BTBD8: variants seen among roughly 807,000 people sequenced by gnomAD.
BTBD8 encodes the protein BTB/POZ domain-containing protein 8.
BTBD8 carries 110 observed loss-of-function variants against 162.9 expected under a neutral mutation model. The ratio of observed to expected loss-of-function variants is 0.68; its 90% CI spans 0.58 to 0.79. The LOEUF (loss-of-function observed/expected upper bound fraction) is 0.79, where lower values mean the gene tolerates loss of function less well. BTBD8 is among the 30% of genes least tolerant of loss of function. BTBD8 has a pLI of 0.00. For synonymous variants in BTBD8, 667 were observed against 716.1 expected, an observed-to-expected ratio of 0.93 and a Z score of 1.10; for missense variants, 1,905 against 2,085.4, an observed-to-expected ratio of 0.91 and a Z score of 1.68.
At chr1:92,158,718 T>A (rs760447792) in intron 9 of BTBD8, among the ~76,000 whole-genome samples, 2 of 152,140 alleles carry the variant, frequency 1.3e-5, no homozygotes, top group African/African-American at 2.4e-5. Context: ...AGGGGGCTTA[T>A]GGGAAATCTC....
intron 2 of BTBD8, among the ~76,000 whole-genome samples, chr1:92,096,223 C>G (rs1648447637): frequency 1.3e-5 from 2 of 152,164 alleles, no homozygotes; most frequent in Non-Finnish European, 2.9e-5. Flanking sequence ...GCTGCCTCAG[C>G]TTCCCAAAGT....
intron 13 of BTBD8, among the ~76,000 whole-genome samples, chr1:92,176,436 A>G (rs952604332): frequency 6.6e-6 from 1 of 152,186 alleles, no homozygotes; most frequent in African/African-American, 2.4e-5. Flanking sequence ...AAGTGGGATG[A>G]TGTATACAAA....
intron 2 of BTBD8, among the ~76,000 whole-genome samples, chr1:92,098,477 T>C (rs1358218346): frequency 2.0e-5 from 3 of 152,184 alleles, no homozygotes; most frequent in Non-Finnish European, 4.4e-5. Flanking sequence ...ATAGTAACCT[T>C]TTCAGGAACT....
intron 1 of BTBD8, among the ~76,000 whole-genome samples, chr1:92,082,375 AGTAATAAACGTTAATAAAACATTGCTTT>A (rs1267300391): frequency 4.6e-5 from 7 of 152,232 alleles, no homozygotes; most frequent in African/African-American, 1.7e-4. Flanking sequence ...CTAGGTCTTA[AGTAATAAACGTTAATAAAACATTGCTTT>A]GTTGTTTGTC....
chr1:92,175,522 C>T (rs1482532059), intron 13 of BTBD8, among the ~76,000 whole-genome samples: 1 of 143,348 alleles, frequency 7.0e-6, no homozygotes, highest in Non-Finnish European at 1.5e-5. Flanking sequence ...TGGCCGGGCA[C>T]AGTGGCTCAT....
intron 9 of BTBD8, among the ~76,000 whole-genome samples, chr1:92,154,555 A>G (rs1203942267): frequency 6.6e-6 from 1 of 152,222 alleles, no homozygotes; most frequent in Non-Finnish European, 1.5e-5. Context: ...ACATCTTTTC[A>G]TATACCTGTT....
chr1:92,181,265 C>T lies in BTBD8; in HGVS notation c.3582C>T (p.Asp1194=), dbSNP rs1197088664. The T allele has an allele frequency of 6.4e-7, 1 of 1,551,560 alleles. No individual in the cohort carries two copies. Among genetic ancestry groups the T allele is most frequent in the Non-Finnish European group, 8.7e-7 (1 of 1,146,996 alleles). Residue 1194 remains aspartate (D), a synonymous_variant, in exon 17 of 18, where the codon GAC becomes GAT. Coordinates refer to ENST00000636805, the MANE Select transcript of BTBD8 (RefSeq NM_001376131.1). ...AMDEDKHATA[D]SDVSSKCFSG... is the part of the protein sequence containing the mutation. ...ATGAAGACAAACATGCTACAGCAGA[C>T]TCAGATGTATCTTCCAAGTGTTTTT...
At chr1:92,144,659 A>C (rs185802862) in intron 7 of BTBD8, among the ~76,000 whole-genome samples, 2 of 151,952 alleles carry the variant, frequency 1.3e-5, no homozygotes, top group African/African-American at 2.4e-5. Flanking sequence ...AATTTAAAAA[A>C]AATTAGCCAG....
chr1:92,144,649 A>G (rs1649865235), intron 7 of BTBD8, among the ~76,000 whole-genome samples: 2 of 151,978 alleles, frequency 1.3e-5, no homozygotes, highest in South Asian at 4.2e-4. Context: ...CTCTACAAAA[A>G]ATTTAAAAAA....
intron 4 of BTBD8, among the ~76,000 whole-genome samples, chr1:92,110,388 C>G (rs1322534390): frequency 6.6e-6 from 1 of 152,200 alleles, no homozygotes; most frequent in Non-Finnish European, 1.5e-5. Flanking sequence ...ATAACAGTCT[C>G]CATCTCATAA....
chr1:92,094,655 A>G (rs1017003435), intron 2 of BTBD8, among the ~76,000 whole-genome samples: 1 of 152,228 alleles, frequency 6.6e-6, no homozygotes, highest in African/African-American at 2.4e-5. Context: ...ATATGCCTCA[A>G]ATGATTGTCA....
intron 13 of BTBD8, among the ~76,000 whole-genome samples, chr1:92,175,262 C>T (rs1442015058): frequency 1.3e-5 from 2 of 151,742 alleles, no homozygotes; most frequent in African/African-American, 2.4e-5. Flanking sequence ...GGGTGGATCA[C>T]GAGGTCAAGA....
At chr1:92,143,343 G>A (rs557249641) in intron 7 of BTBD8, among the ~76,000 whole-genome samples, 241 of 151,134 alleles carry the variant, frequency 1.6e-3, no homozygotes, top group African/African-American at 5.6e-3. Flanking sequence ...AGTATATGTG[G>A]GTTTTATGCA....
chr1:92,105,058 A>C (rs1479923858), intron 3 of BTBD8, among the ~76,000 whole-genome samples: 1 of 151,476 alleles, frequency 6.6e-6, no homozygotes, highest in Admixed American at 6.6e-5. Flanking sequence ...TCAGCCTCCC[A>C]AGTAGCTGGA....
chr1:92,096,922 C>T (rs950752634), intron 2 of BTBD8, among the ~76,000 whole-genome samples: 10 of 152,094 alleles, frequency 6.6e-5, no homozygotes, highest in Admixed American at 3.9e-4. Context: ...AACCTTCAGC[C>T]GTTCCTCTTC....
At chr1:92,095,123 A>C (rs1408743457) in intron 2 of BTBD8, among the ~76,000 whole-genome samples, 2 of 152,220 alleles carry the variant, frequency 1.3e-5, no homozygotes, top group Non-Finnish European at 2.9e-5. Flanking sequence ...TCCTAAGTAC[A>C]TGGACCCACC....
At position 92,169,159 on chromosome 1, in the gene BTBD8, A is replaced by G. The variant is rs147026255; in HGVS notation, c.1573+164A>G. ...TATGTTTAGGCAGTTTTAATAAATC[A>G]TGCTTTTTAGCTGTTCTTAGAAAAT... is the stretch of plus-strand genomic sequence containing the variant. On this transcript the variant is annotated intron_variant, in intron 12 of 17. Transcript: ENST00000636805. Among the ~76,000 whole-genome samples the G allele has an allele frequency of 6.0e-4, 92 of 152,340 alleles. No homozygotes were observed. The East Asian group carries it at 0.017, about 27-fold the overall frequency.
At chr1:92,132,373 C>T (rs1357095115) in intron 5 of BTBD8, among the ~76,000 whole-genome samples, 3 of 151,284 alleles carry the variant, frequency 2.0e-5, no homozygotes, top group Middle Eastern at 6.8e-3. Flanking sequence ...ATTAAACATT[C>T]AAACACTCAG....
intron 9 of BTBD8, among the ~76,000 whole-genome samples, chr1:92,158,178 T>A (rs1650203940): frequency 6.6e-6 from 1 of 152,184 alleles, no homozygotes; most frequent in African/African-American, 2.4e-5. Context: ...ATCTTGTTTT[T>A]TAATCCACTT....
Sources: allele counts gnomAD v4.1 joint callset (sites outside exome capture counted in the v4.1 genomes callset), GRCh38; gene constraint gnomAD v4.1.1; transcripts MANE v1.5; gene names NCBI Gene and HGNC (gene_info 2026-07-23, HGNC 2026-07-21).